SGCD: variants seen among roughly 807,000 people sequenced by gnomAD.
SGCD encodes delta-sarcoglycan.
Under a neutral mutation model 36.6 loss-of-function variants are expected in SGCD, and 18 were observed. The ratio of observed to expected loss-of-function variants is 0.49; its 90% CI spans 0.34 to 0.73. SGCD has a LOEUF of 0.73. Among genes scored for constraint, SGCD ranks in the 30% least tolerant of loss-of-function variants. The pLI is 0.01. For synonymous variants in SGCD, 133 were observed against 130.6 expected (o/e 1.02, Z -0.12); for missense variants, 387 against 346.7 (o/e 1.12, Z -0.92).
At chr5:156,101,210 T>C (rs1045947107) in intron 1 of SGCD, among the ~76,000 whole-genome samples, 3 of 152,190 alleles carry the variant, frequency 2.0e-5, no homozygotes, top group African/African-American at 7.2e-5. Flanking sequence ...TATTCTGTAG[T>C]TTGACTGTGA....
chr5:156,641,625 T>A lies in SGCD; in HGVS notation c.503-5839T>A, dbSNP rs1763031628. 2.0e-5 allele frequency among the ~76,000 whole-genome samples: 3 copies of A among 152,322 alleles called. No individual in the cohort carries two copies. In the South Asian group the frequency reaches 6.2e-4, roughly 32 times the overall value. On this transcript the variant is annotated intron_variant, in intron 6 of 8. Transcript: ENST00000337851. ...TTTCTATTGTGACTTAAATATCAAA[T>A]ACTAAAAAAGCTGGATATTATTTGT...
intron 3 of SGCD, among the ~76,000 whole-genome samples, chr5:156,403,447 G>C (rs935847785): frequency 6.6e-6 from 1 of 152,180 alleles, no homozygotes. Context: ...CCCCAGGCAG[G>C]TAATTTAACC....
At chr5:155,900,619 C>T (rs1404109064) in intron 1 of SGCD, among the ~76,000 whole-genome samples, 1 of 148,886 alleles carries the variant, frequency 6.7e-6, no homozygotes, top group Non-Finnish European at 1.5e-5. Context: ...ATTCCCCTTC[C>T]TGTGTCCATG....
intron 3 of SGCD, among the ~76,000 whole-genome samples, chr5:156,363,365 A>G (rs1382237458): frequency 6.6e-6 from 1 of 152,132 alleles, no homozygotes; most frequent in African/African-American, 2.4e-5. Flanking sequence ...CCCACGTTTC[A>G]TGTTTTGAAA....
the SGCD span, among the ~76,000 whole-genome samples, chr5:155,734,791 C>G: frequency 6.6e-6 from 1 of 152,188 alleles, no homozygotes; most frequent in Non-Finnish European, 1.5e-5. Flanking sequence ...ATAGATCCAT[C>G]CCCTGCTGCA....
chr5:156,266,093 T>A (rs889723499), intron 3 of SGCD, among the ~76,000 whole-genome samples: 2 of 152,210 alleles, frequency 1.3e-5, no homozygotes, highest in African/African-American at 4.8e-5. Context: ...TATGGATAAA[T>A]GTTAATAAAA....
intron 3 of SGCD, among the ~76,000 whole-genome samples, chr5:156,265,841 T>C (rs1765986883): frequency 6.6e-6 from 1 of 152,092 alleles, no homozygotes; most frequent in South Asian, 2.1e-4. Context: ...ACAATGGAGA[T>C]ATCCTGGGAT....
intron 1 of SGCD, among the ~76,000 whole-genome samples, chr5:155,920,495 A>T (rs1318022234): frequency 6.6e-6 from 1 of 152,134 alleles, no homozygotes; most frequent in Non-Finnish European, 1.5e-5. Context: ...TGAATGTGGA[A>T]GATTTATTAG....
At chr5:156,292,053 G>C (rs1766772123) in intron 3 of SGCD, among the ~76,000 whole-genome samples, 1 of 151,946 alleles carries the variant, frequency 6.6e-6, no homozygotes, top group African/African-American at 2.4e-5. Context: ...CTATGACTTT[G>C]ACTTTTTTAG....
chr5:156,182,098 T>C (rs896878636), intron 3 of SGCD, among the ~76,000 whole-genome samples: 1 of 152,180 alleles, frequency 6.6e-6, no homozygotes, highest in Non-Finnish European at 1.5e-5. Context: ...AATGCAGTCC[T>C]AACTAAAATC....
At chr5:156,482,006 G>C (rs985821699) in intron 3 of SGCD, among the ~76,000 whole-genome samples, 4 of 152,176 alleles carry the variant, frequency 2.6e-5, no homozygotes, top group African/African-American at 9.6e-5. Flanking sequence ...TCTGGTCCCA[G>C]TCCCCTCAAA....
intron 3 of SGCD, among the ~76,000 whole-genome samples, chr5:156,152,765 A>G (rs910422686): frequency 1.3e-5 from 2 of 151,700 alleles, no homozygotes; most frequent in African/African-American, 2.4e-5. Flanking sequence ...TTTCCATTGG[A>G]TAGCACTGAC....
At chr5:156,712,137 C>T (rs1755020446) in intron 7 of SGCD, among the ~76,000 whole-genome samples, 1 of 152,178 alleles carries the variant, frequency 6.6e-6, no homozygotes. Flanking sequence ...GCTTTGTGAC[C>T]TCTATCTTGT....
At chr5:155,911,943 T>TG (rs1415794416) in intron 1 of SGCD, among the ~76,000 whole-genome samples, 1 of 152,102 alleles carries the variant, frequency 6.6e-6, no homozygotes, top group Non-Finnish European at 1.5e-5. Flanking sequence ...GGCCCCAATT[T>TG]GGGAGGCTGG....
At chr5:156,076,448 C>A (rs1249376936) in intron 1 of SGCD, among the ~76,000 whole-genome samples, 1 of 151,886 alleles carries the variant, frequency 6.6e-6, no homozygotes, top group Admixed American at 6.6e-5. Context: ...AAAATTAAAC[C>A]TCTCAGTACA....
intron 1 of SGCD, among the ~76,000 whole-genome samples, chr5:156,026,071 A>G (rs1209944563): frequency 6.6e-6 from 1 of 152,232 alleles, no homozygotes. Context: ...CTTTCAATTT[A>G]CCAAAGAACA....
chr5:156,661,915 G>A (rs2113631144), intron 7 of SGCD, among the ~76,000 whole-genome samples: 1 of 150,260 alleles, frequency 6.7e-6, no homozygotes, highest in Middle Eastern at 3.4e-3. Context: ...GTACTGTGAG[G>A]AAGGAATGAC....
chr5:156,721,169 A>G (rs1755482033), intron 7 of SGCD, among the ~76,000 whole-genome samples: 1 of 152,082 alleles, frequency 6.6e-6, no homozygotes, highest in South Asian at 2.1e-4. Flanking sequence ...TTTAGTGTAC[A>G]TGTGTTAAGT....
At chr5:156,460,423 T>G (rs142645787) in intron 3 of SGCD, among the ~76,000 whole-genome samples, 2 of 152,130 alleles carry the variant, frequency 1.3e-5, no homozygotes, top group South Asian at 2.1e-4. Context: ...ATGGGAAAGA[T>G]CCACTGGATA....
Sources: gnomAD v4.1 joint callset for allele counts (sites outside exome capture counted in the v4.1 genomes callset) on GRCh38, gnomAD v4.1.1 for gene constraint, MANE v1.5 for transcripts, NCBI Gene and HGNC (gene_info 2026-07-23, HGNC 2026-07-21) for gene names.